Variants in HPN observed in about 807,000 individuals in gnomAD.
HPN encodes the protein hepsin, also known as serine protease hepsin.
Under a neutral mutation model 55.9 loss-of-function variants are expected in HPN, and 13 were observed. The observed-to-expected ratio is 0.23, with a 90% CI of 0.15 to 0.37. HPN has a LOEUF of 0.37. Ranked by LOEUF, HPN falls within the 10% of genes least tolerant of loss-of-function variation. The pLI is 1.00. For synonymous variants in HPN, 225 were observed against 240.3 expected, an observed-to-expected ratio of 0.94 and a Z score of 0.59; for missense variants, 451 against 575.8, an observed-to-expected ratio of 0.78 and a Z score of 2.22.
chr19:35,059,834 G>A (rs763299448), intron 5 of HPN, 32 bp downstream of exon 5: 1 of 1,528,536 alleles, frequency 6.5e-7, no homozygotes, highest in Non-Finnish European at 8.8e-7. Flanking sequence ...GTGGGAGCCG[G>A]GAGGGGCTGG....
intron 11 of HPN, 55 bp from the exon 12 acceptor site, chr19:35,065,813 G>A: frequency 6.8e-7 from 1 of 1,470,434 alleles, no homozygotes; most frequent in African/African-American, 2.1e-5. Flanking sequence ...ATCCCGGGGT[G>A]GGCCTCCTGT....
Position 35,041,830 on chromosome 19 carries a change from C to G in HPN, c.-97C>G. The stretch of plus-strand genomic sequence containing the variant: ...CCAGGCCTGGAGACTGACCCGACCC[C>G]GGCACTACCTCGAGGCTCCGCCCCC... On this transcript the variant is annotated 5_prime_UTR_variant, in exon 1 of 13. Transcript: ENST00000672452. The G allele has an allele frequency of 5.2e-6, 7 of 1,342,800 alleles. No homozygotes were observed. The South Asian group carries it at 8.1e-5, about 16-fold the overall frequency. The allele number at this position is 1,342,800 out of a possible 1,614,324, so 83.2% of individuals were successfully genotyped here. A position where few individuals can be genotyped will look rare whatever the true frequency, so the allele number is the denominator to read the frequency against.
At chr19:35,060,279 A>G in intron 7 of HPN, 68 bp from the exon 8 acceptor site, 1 of 1,607,488 alleles carries the variant, frequency 6.2e-7, no homozygotes, top group African/African-American at 1.3e-5. Context: ...GGGCAGGGCC[A>G]AGCCTGGGCT....
intron 2 of HPN, among the ~76,000 whole-genome samples, chr19:35,046,450 G>A (rs186634216): frequency 2.0e-5 from 3 of 152,076 alleles, no homozygotes; most frequent in African/African-American, 4.8e-5. Flanking sequence ...TCACCATGTT[G>A]GCCAGGCTGG....
At position 35,066,376 on chromosome 19, in the gene HPN, C is replaced by T; in HGVS notation, c.*89C>T. On this transcript the variant is annotated 3_prime_UTR_variant, in exon 13 of 13. Transcript: ENST00000672452. Reference sequence around the variant, plus strand: ...GGGCCTAGGATGGGACGTTTTTCTTCTTGGGCCCGGTCCACAGGTCCAAGG... The same window carrying T: ...GGGCCTAGGATGGGACGTTTTTCTTTTTGGGCCCGGTCCACAGGTCCAAGG... The T allele has an allele frequency of 6.6e-7, 1 of 1,515,220 alleles. No homozygotes were observed. Among genetic ancestry groups the T allele is most frequent in the Admixed American group, 2.0e-5 (1 of 50,860 alleles). 93.9% of individuals were successfully genotyped at this position (1,515,220 alleles called of 1,614,324 possible). A position where few individuals can be genotyped will look rare whatever the true frequency, so the allele number is the denominator to read the frequency against.
At chr19:35,043,463 G>C (rs1257167496) in intron 2 of HPN, among the ~76,000 whole-genome samples, 3 of 152,216 alleles carry the variant, frequency 2.0e-5, no homozygotes, top group Non-Finnish European at 4.4e-5. Flanking sequence ...CTTTCTAGCT[G>C]TGTGGCCCTG....
In HPN at chr19:35,050,913, T is replaced by C. The variant is rs867155032; in HGVS notation, c.160+1397T>C. Among the ~76,000 whole-genome samples, 181 of 122,194 alleles carry C rather than the reference T, an allele frequency of 1.5e-3. 1 individual carries two copies. The highest frequency in any genetic ancestry group is 8.5e-3 in the Middle Eastern group (2 of 234). The allele number at this position is 122,194 out of a possible 152,430, so 80.2% of individuals were successfully genotyped here. A position where few individuals can be genotyped will look rare whatever the true frequency, so the allele number is the denominator to read the frequency against. ...TTTTTTTTTTCTTTCTTTCTTTCTT[T>C]CTTTTTTTTTTTTTTTTTTTTGAGA... On this transcript the variant is annotated intron_variant, in intron 4 of 12. Coordinates refer to ENST00000672452, the MANE Select transcript of HPN (RefSeq NM_001384133.1).
rs1438620654 is a variant in HPN, at chr19:35,060,396, C to T, written c.504C>T (p.Asp168=). Residue 168 remains aspartate (D), a synonymous_variant, in exon 8 of 13, where the codon GAC becomes GAT. Coordinates refer to ENST00000672452, the MANE Select transcript of HPN (RefSeq NM_001384133.1). ...LPVDRIVGGR[D]TSLGRWPWQV... is the part of the protein sequence containing the mutation. The stretch of plus-strand genomic sequence containing the variant: ...TGGACCGCATCGTGGGAGGCCGGGA[C>T]ACCAGCTTGGGCCGGTGGCCGTGGC... 4.3e-6 allele frequency: 7 copies of T among 1,612,844 alleles called. No individual in the cohort carries two copies. The African/African-American group carries it at 5.3e-5, about 12-fold the overall frequency.
chr19:35,045,650 C>T (rs528952249), intron 2 of HPN, among the ~76,000 whole-genome samples: 11 of 150,478 alleles, frequency 7.3e-5, no homozygotes, highest in South Asian at 2.1e-4. Flanking sequence ...GTTGACGTGC[C>T]GCCTGTCCCA....
chr19:35,056,583 C>T (rs113671172), intron 4 of HPN, among the ~76,000 whole-genome samples: 76 of 152,274 alleles, frequency 5.0e-4, no homozygotes, highest in African/African-American at 1.7e-3. Flanking sequence ...AACAGTCTCC[C>T]GGGAGCTCCC....
intron 9 of HPN, among the ~76,000 whole-genome samples, chr19:35,062,513 G>A (rs1391180700): frequency 6.6e-6 from 1 of 152,118 alleles, no homozygotes; most frequent in Non-Finnish European, 1.5e-5. Context: ...ACTCACTTAG[G>A]TGCCAACATG....
intron 4 of HPN, 81 bp from the exon 5 acceptor site, chr19:35,059,592 C>G (rs758021185): frequency 6.6e-7 from 1 of 1,524,164 alleles, no homozygotes; most frequent in African/African-American, 1.4e-5. Flanking sequence ...GGAGCACAGG[C>G]CAGGAGGGGC....
In HPN at chr19:35,049,326, T is replaced by G. The variant is rs1347186627; in HGVS notation, c.53T>G (p.Val18Gly). The G allele has an allele frequency of 6.3e-7, 1 of 1,593,440 alleles. No individual in the cohort carries two copies. Among genetic ancestry groups the G allele is most frequent in the Non-Finnish European group, 8.6e-7 (1 of 1,168,036 alleles). Reference sequence around the variant, plus strand: ...GTGCCATGCTGCTCCAGACCCAAGGTGGCAGCTCTCACTGCGGGGACCCTG... The same window carrying G: ...GTGCCATGCTGCTCCAGACCCAAGGGGGCAGCTCTCACTGCGGGGACCCTG... ...RTVPCCSRPK[V>G]AALTAGTLLL... is the part of the protein sequence containing the mutation. Residue 18 changes from valine to glycine, a missense_variant, in exon 3 of 13, where the codon GTG (valine) becomes GGG (glycine). By Grantham distance (109) the Val-to-Gly change is moderately radical (BLOSUM62 -3). Transcript: ENST00000672452.
At chr19:35,058,518 A>G (rs1600391013) in intron 4 of HPN, among the ~76,000 whole-genome samples, 1 of 147,226 alleles carries the variant, frequency 6.8e-6, no homozygotes, top group Non-Finnish European at 1.5e-5. Context: ...TAATATATTA[A>G]TATTATATTA....
chr19:35,049,552 C>A, intron 4 of HPN, 36 bp downstream of exon 4: 2 of 1,568,758 alleles, frequency 1.3e-6, no homozygotes, highest in Non-Finnish European at 1.7e-6. Context: ...TGGGGGAGCC[C>A]TGGAGGACAC....
intron 2 of HPN, among the ~76,000 whole-genome samples, chr19:35,048,737 T>A (rs1182613356): frequency 6.6e-6 from 1 of 151,968 alleles, no homozygotes; most frequent in East Asian, 1.9e-4. Flanking sequence ...CTAAAAAAAT[T>A]AATACATAAA....
Position 35,059,786 on chromosome 19 carries a change from G to T in HPN, c.274G>T (p.Glu92Ter). 1 of 1,579,300 alleles carries T rather than the reference G, an allele frequency of 6.3e-7. No individual in the cohort carries two copies. Among genetic ancestry groups the T allele is most frequent in the East Asian group, 2.3e-5 (1 of 43,916 alleles). ...NARVAGLSCE[E>*]MGFLRALTHS... ...CAGGGTAGCCGGACTCAGCTGCGAG[G>T]AGATGGGCTTCCTCAGGTACTGGGG... is the stretch of plus-strand genomic sequence containing the variant. Residue 92 changes from glutamate (E) to a stop codon, truncating the protein, a stop_gained, in exon 5 of 13, where the codon GAG becomes TAG. Coordinates refer to ENST00000672452, the MANE Select transcript of HPN (RefSeq NM_001384133.1). LOFTEE classifies it high-confidence loss of function.
intron 4 of HPN, among the ~76,000 whole-genome samples, chr19:35,058,375 T>A (rs143247595): frequency 0.074 from 11,069 of 148,978 alleles, 434 homozygotes; most frequent in Middle Eastern, 0.1. Flanking sequence ...AGACGAGGTT[T>A]CATCATCTTG....
At chr19:35,051,310 T>TG (rs1163384745) in intron 4 of HPN, among the ~76,000 whole-genome samples, 1 of 152,084 alleles carries the variant, frequency 6.6e-6, no homozygotes, top group Non-Finnish European at 1.5e-5. Flanking sequence ...GGTTTCACCA[T>TG]GTTGGCCAGG....
Sources: gnomAD v4.1 joint callset for allele counts (sites outside exome capture counted in the v4.1 genomes callset) on GRCh38, gnomAD v4.1.1 for gene constraint, MANE v1.5 for transcripts, NCBI Gene and HGNC (gene_info 2026-07-23, HGNC 2026-07-21) for gene names.